SEH1L: variants seen among roughly 807,000 people sequenced by gnomAD.
SEH1L encodes the protein nucleoporin SEH1.
In SEH1L, 18 loss-of-function variants were observed where a neutral mutation model predicts 49.5. The ratio of observed to expected loss-of-function variants is 0.36; its 90% CI spans 0.25 to 0.54. SEH1L has a LOEUF of 0.54. Among genes scored for constraint, SEH1L ranks in the 20% least tolerant of loss-of-function variants. The pLI is 0.87. For synonymous variants in SEH1L, 169 were observed against 178.1 expected, an observed-to-expected ratio of 0.95 and a Z score of 0.41; for missense variants, 404 against 528.8, an observed-to-expected ratio of 0.76 and a Z score of 2.31.
chr18:12,982,695 G>C lies in SEH1L; in HGVS notation c.919+20G>C. 6.4e-7 allele frequency: 1 copy of C among 1,554,518 alleles called. No homozygotes were observed. The highest frequency in any genetic ancestry group is 2.3e-5 in the East Asian group (1 of 43,702). On this transcript the variant is annotated intron_variant, in intron 7 of 8. Transcript: ENST00000399892. ...GGAAAGGTAAGAGTTCAGTGAAGGG[G>C]TAATTGTTGGTTTATATTTCTGCTC...
chr18:12,974,301 G>C (rs2031824244), intron 5 of SEH1L: 1 of 151,626 alleles, frequency 6.6e-6, no homozygotes, highest in Non-Finnish European at 1.5e-5. Flanking sequence ...TTTTCTTTGA[G>C]ATGGAGTCTC....
intron 5 of SEH1L, chr18:12,972,632 A>G (rs1217857781): frequency 3.3e-5 from 5 of 152,156 alleles, no homozygotes; most frequent in African/African-American, 1.2e-4. Context: ...GCAATTCCAA[A>G]TGTTACCATC....
At chr18:12,980,385 T>TC (rs2032159760) in intron 6 of SEH1L, among the ~76,000 whole-genome samples, 1 of 83,310 alleles carries the variant, frequency 1.2e-5, no homozygotes, top group Non-Finnish European at 2.4e-5. Flanking sequence ...CCCCCCCACC[T>TC]CCCTCCCGGA....
intron 3 of SEH1L, among the ~76,000 whole-genome samples, chr18:12,957,616 TATC>T (rs2030949781): frequency 6.6e-6 from 1 of 152,246 alleles, no homozygotes. Flanking sequence ...ATGAAGGTAT[TATC>T]ATCTGCATGC....
At chr18:12,980,806 CT>C in intron 6 of SEH1L, among the ~76,000 whole-genome samples, 1 of 111,278 alleles carries the variant, frequency 9.0e-6, no homozygotes. Flanking sequence ...GACGGGGCGG[CT>C]GGCCGGGCGG....
intron 5 of SEH1L, chr18:12,974,471 G>C (rs2145648004): frequency 6.6e-6 from 1 of 152,076 alleles, no homozygotes; most frequent in African/African-American, 2.4e-5. Context: ...GTAGAGATGG[G>C]GTTTCACCAT....
chr18:12,959,089 C>G (rs1187307999), intron 3 of SEH1L, among the ~76,000 whole-genome samples: 1 of 152,160 alleles, frequency 6.6e-6, no homozygotes, highest in African/African-American at 2.4e-5. Flanking sequence ...ATTTGCATTT[C>G]TCTAATAATT....
chr18:12,986,662 G>A (rs2145676184), intron 8 of SEH1L, 200 bp from the exon 9 acceptor site: 1 of 1,210,258 alleles, frequency 8.3e-7, no homozygotes. Flanking sequence ...AAGCAATCTT[G>A]ATTTGAGTAA....
In SEH1L at chr18:12,950,876, G is replaced by C. The variant is rs147180997; in HGVS notation, c.112-979G>C. On this transcript the variant is annotated intron_variant, in intron 1 of 8. Coordinates refer to ENST00000399892, the MANE Select transcript of SEH1L (RefSeq NM_001013437.2). ...GCCATGTTGCCCAGGCTGGAGTGCA[G>C]TGGCTATTCACGGGCGTGATCATAG... is the stretch of plus-strand genomic sequence containing the variant. 6.5e-3 allele frequency among the ~76,000 whole-genome samples: 988 copies of C among 152,238 alleles called. 18 individuals carry two copies. The highest frequency in any genetic ancestry group is 0.022 in the African/African-American group (927 of 41,520).
chr18:12,977,576 T>G (rs1386939065), intron 5 of SEH1L: 1 of 152,004 alleles, frequency 6.6e-6, no homozygotes, highest in Non-Finnish European at 1.5e-5. Context: ...AATACAAAAT[T>G]AGCCAGGCGT....
chr18:12,982,063 G>A (rs1000441329), intron 6 of SEH1L, among the ~76,000 whole-genome samples: 9 of 151,720 alleles, frequency 5.9e-5, no homozygotes, highest in African/African-American at 1.5e-4. Flanking sequence ...ATGGGGTTTC[G>A]CCATGTTGGC....
At position 12,982,723 on chromosome 18, in the gene SEH1L, C is replaced by T. The variant is rs1326194610; in HGVS notation, c.919+48C>T. 7 of 1,369,150 alleles carry T rather than the reference C, an allele frequency of 5.1e-6. No homozygotes were observed. In the South Asian group the frequency reaches 8.9e-5, roughly 17 times the overall value. 84.8% of individuals were successfully genotyped at this position (1,369,150 alleles called of 1,614,324 possible). On this transcript the variant is annotated intron_variant, in intron 7 of 8. Transcript: ENST00000399892. ...ATTGTTGGTTTATATTTCTGCTCTG[C>T]AATTTTTACTTAAAATGTAAACTCT...
chr18:12,974,735 T>C (rs1277978144), intron 5 of SEH1L, among the ~76,000 whole-genome samples: 1 of 152,198 alleles, frequency 6.6e-6, no homozygotes, highest in East Asian at 1.9e-4. Flanking sequence ...TTATATAGGT[T>C]ACCGGGCATT....
chr18:12,986,889 A>T lies in SEH1L; in HGVS notation c.1098A>T (p.Pro366=). 1 of 1,605,580 alleles carries T rather than the reference A, an allele frequency of 6.2e-7. No homozygotes were observed. Among genetic ancestry groups the T allele is most frequent in the Non-Finnish European group, 8.5e-7 (1 of 1,175,542 alleles). The change falls in exon 9 of 9, where the codon CCA becomes CCT. Residue 366 remains proline (P), a synonymous_variant. Transcript: ENST00000399892. ...GRYFFTPLDS[P]RAGSRWSSYA... Reference sequence around the variant, plus strand: ...ATTTCTTTACCCCTCTGGATTCCCCACGGGCTGGATCGAGATGGTCCAGTT... The same window carrying T: ...ATTTCTTTACCCCTCTGGATTCCCCTCGGGCTGGATCGAGATGGTCCAGTT...
At chr18:12,964,615 A>C (rs758468908) in intron 4 of SEH1L, 1 of 144,078 alleles carries the variant, frequency 6.9e-6, no homozygotes. Flanking sequence ...TTTTTAGACT[A>C]TATATTTACT....
At chr18:12,960,902 G>T (rs970246933) in intron 3 of SEH1L, among the ~76,000 whole-genome samples, 4 of 152,210 alleles carry the variant, frequency 2.6e-5, no homozygotes, top group Non-Finnish European at 5.9e-5. Flanking sequence ...AAGAGACTAA[G>T]ATAAGTTTTA....
chr18:12,949,983 G>A (rs1177792776), intron 1 of SEH1L, among the ~76,000 whole-genome samples: 5 of 151,514 alleles, frequency 3.3e-5, no homozygotes, highest in South Asian at 2.1e-4. Context: ...TAGAATATTC[G>A]CCCTTTTATA....
rs749115334 is a variant in SEH1L, at chr18:12,971,169, C to T, written c.538C>T (p.Pro180Ser). The T allele has an allele frequency of 6.2e-7, 1 of 1,613,200 alleles. No individual in the cohort carries two copies. Among genetic ancestry groups the T allele is most frequent in the Non-Finnish European group, 8.5e-7 (1 of 1,179,226 alleles). ...WNPSSSRAHS[P>S]MIAVGSDDSS... ...CGTTTCTAGCTCTCGTGCTCATTCC[C>T]CCATGATCGCCGTAGGAAGTGATGA... Residue 180 changes from proline to serine, a missense_variant, in exon 5 of 9, where the codon CCC becomes TCC. Pro to Ser is a moderately conservative substitution (Grantham distance 74, BLOSUM62 -1). Transcript: ENST00000399892.
At chr18:12,967,635 C>T (rs541436367) in intron 4 of SEH1L, among the ~76,000 whole-genome samples, 6 of 152,210 alleles carry the variant, frequency 3.9e-5, no homozygotes, top group South Asian at 4.1e-4. Context: ...AAGCCTGGGC[C>T]GGGCACAGTG....
Sources: gnomAD v4.1 joint callset for allele counts (sites outside exome capture counted in the v4.1 genomes callset) on GRCh38, gnomAD v4.1.1 for gene constraint, MANE v1.5 for transcripts, NCBI Gene and HGNC (gene_info 2026-07-23, HGNC 2026-07-21) for gene names.